B4GALNT3: variants seen among roughly 807,000 people sequenced by gnomAD.
B4GALNT3 encodes beta-1,4-N-acetyl-galactosaminyltransferase 3, also known as beta-1,4-N-acetylgalactosaminyltransferase 3.
B4GALNT3 carries 86 observed loss-of-function variants against 120.2 expected under a neutral mutation model. The ratio of observed to expected loss-of-function variants is 0.72; its 90% CI spans 0.60 to 0.86. The LOEUF (loss-of-function observed/expected upper bound fraction) is 0.86. Among genes scored for constraint, B4GALNT3 ranks in the 40% least tolerant of loss-of-function variants. The pLI, the probability that B4GALNT3 is intolerant of heterozygous loss-of-function variation, is 0.00. For missense variants in B4GALNT3, 1,167 were observed against 1,298.9 expected, an observed-to-expected ratio of 0.90 and a Z score of 1.56; for synonymous variants, 518 against 510.4, an observed-to-expected ratio of 1.01 and a Z score of -0.20.
At position 559,387 on chromosome 12, in the gene B4GALNT3, C is replaced by G. The variant is rs368167265; in HGVS notation, c.2854C>G (p.Arg952Gly). 1 of 1,613,972 alleles carries G rather than the reference C, an allele frequency of 6.2e-7. No individual in the cohort carries two copies. ...GGMNTKEFRD[R>G]WGGEDWELLD... is the part of the protein sequence containing the mutation. ...CATGAACACCAAGGAGTTCCGAGAC[C>G]GCTGGGGCGGGGAAGACTGGGAGCT... Residue 952 changes from arginine (R) to glycine (G), a missense_variant, in exon 19 of 20, where the codon CGC becomes GGC. Arg to Gly is a moderately radical substitution (Grantham distance 125). Transcript: ENST00000266383.
intron 1 of B4GALNT3, among the ~76,000 whole-genome samples, chr12:511,185 C>T (rs1026530241): frequency 4.6e-5 from 7 of 151,058 alleles, no homozygotes; most frequent in African/African-American, 9.7e-5. Flanking sequence ...TGTGCCACCA[C>T]GCTCGGCTAA....
intron 15 of B4GALNT3, among the ~76,000 whole-genome samples, chr12:557,268 G>A (rs945916316): frequency 3.9e-5 from 6 of 152,088 alleles, no homozygotes; most frequent in Non-Finnish European, 5.9e-5. Flanking sequence ...AGGATGATGG[G>A]GATAGGACGA....
chr12:517,914 C>T (rs889357035), intron 1 of B4GALNT3, among the ~76,000 whole-genome samples: 2 of 152,186 alleles, frequency 1.3e-5, no homozygotes, highest in Admixed American at 1.3e-4. Context: ...ATTAACCAGG[C>T]AGTAGTGGGA....
chr12:486,135 G>A (rs1183377237), intron 1 of B4GALNT3, among the ~76,000 whole-genome samples: 1 of 151,690 alleles, frequency 6.6e-6, no homozygotes, highest in Non-Finnish European at 1.5e-5. Flanking sequence ...GTACATTTTG[G>A]AGAAAAATCC....
intron 1 of B4GALNT3, among the ~76,000 whole-genome samples, chr12:496,859 G>A (rs1946393967): frequency 6.6e-6 from 1 of 152,162 alleles, no homozygotes. Context: ...TCCATGTGTA[G>A]CATGTTAGTA....
chr12:521,183 T>C (rs1592038823), intron 1 of B4GALNT3, among the ~76,000 whole-genome samples: 1 of 152,192 alleles, frequency 6.6e-6, no homozygotes, highest in Non-Finnish European at 1.5e-5. Context: ...TAGAAGGATG[T>C]GCGGTCCTTC....
intron 1 of B4GALNT3, among the ~76,000 whole-genome samples, chr12:510,279 T>A (rs1946532808): frequency 6.6e-6 from 1 of 152,170 alleles, no homozygotes; most frequent in South Asian, 2.1e-4. Context: ...AGATGATTTC[T>A]GCCATGCTGA....
chr12:557,924 C>A, intron 16 of B4GALNT3, 92 bp from the exon 17 acceptor site: 1 of 1,496,784 alleles, frequency 6.7e-7, no homozygotes, highest in Non-Finnish European at 9.3e-7. Flanking sequence ...ATCCCAGGAG[C>A]ACACATCATC....
chr12:472,861 G>A (rs1028954782), intron 1 of B4GALNT3, among the ~76,000 whole-genome samples: 3 of 152,216 alleles, frequency 2.0e-5, no homozygotes, highest in African/African-American at 4.8e-5. Flanking sequence ...GGGATTACAG[G>A]CACAAGCCAC....
intron 14 of B4GALNT3, 45 bp from the exon 15 acceptor site, chr12:556,502 A>G (rs774679300): frequency 1.3e-6 from 2 of 1,545,562 alleles, no homozygotes; most frequent in South Asian, 1.2e-5. Flanking sequence ...CTACCCTCCC[A>G]GTGTGGAAAG....
At chr12:500,740 C>T (rs143544374) in intron 1 of B4GALNT3, among the ~76,000 whole-genome samples, 1 of 152,202 alleles carries the variant, frequency 6.6e-6, no homozygotes, top group African/African-American at 2.4e-5. Context: ...TACAGTGTGT[C>T]TCTAGGACCG....
chr12:489,188 A>T (rs1430401328), intron 1 of B4GALNT3, among the ~76,000 whole-genome samples: 1 of 139,404 alleles, frequency 7.2e-6, no homozygotes, highest in Non-Finnish European at 1.5e-5. Flanking sequence ...GGGCAAGGGG[A>T]GGGAGAGCAT....
intron 1 of B4GALNT3, among the ~76,000 whole-genome samples, chr12:497,131 G>C (rs948749440): frequency 2.0e-5 from 3 of 151,810 alleles, no homozygotes; most frequent in Non-Finnish European, 2.9e-5. Context: ...CATCGCTCCT[G>C]GCTTTCATTT....
chr12:533,418 T>C (rs1311897111), intron 1 of B4GALNT3, among the ~76,000 whole-genome samples: 3 of 152,182 alleles, frequency 2.0e-5, no homozygotes, highest in African/African-American at 7.2e-5. Context: ...AGGAGAGACC[T>C]TGATGGCAGA....
Position 545,324 on chromosome 12 carries a change from T to C in B4GALNT3, c.539-45T>C, listed in dbSNP as rs192788624. ...TCACAAAAGCCTCCAGCTTTTATGC[T>C]GATGCCCTCCTTGCCCTCATCTGGA... On this transcript the variant is annotated intron_variant, in intron 5 of 19. Coordinates refer to ENST00000266383, the MANE Select transcript of B4GALNT3 (RefSeq NM_173593.4). The C allele has an allele frequency of 2.1e-5, 33 of 1,573,478 alleles. No individual in the cohort carries two copies. The East Asian group carries it at 6.2e-4, about 29-fold the overall frequency.
At chr12:512,157 C>T (rs374956959) in intron 1 of B4GALNT3, among the ~76,000 whole-genome samples, 4,665 of 67,492 alleles carry the variant, frequency 0.069, 367 homozygotes, top group African/African-American at 0.13. Context: ...TTCCGCCTTC[C>T]GCCTTCCACC....
At position 548,641 on chromosome 12, in the gene B4GALNT3, G is replaced by A. The variant is rs908423236; in HGVS notation, c.853+344G>A. Among the ~76,000 whole-genome samples, 1 of 152,184 alleles carries A rather than the reference G, an allele frequency of 6.6e-6. No homozygotes were observed. Among genetic ancestry groups the A allele is most frequent in the African/African-American group, 2.4e-5 (1 of 41,442 alleles). On this transcript the variant is annotated intron_variant, in intron 9 of 19. Coordinates refer to ENST00000266383, the MANE Select transcript of B4GALNT3 (RefSeq NM_173593.4). This position sits in a 1 kb window ranked among gnomAD's most constrained non-coding sequence, Gnocchi z 4.9. ...TAAAAACTCTGAGGCTGGGTGCGGT[G>A]GCTCATACCTGTAATCCCAGCACTT...
At chr12:552,748 G>A (rs556206695) in intron 13 of B4GALNT3, 16 of 581,032 alleles carry the variant, frequency 2.8e-5, no homozygotes, top group Admixed American at 6.5e-5. Context: ...AGCATGCTGG[G>A]GTCAGCTGGA....
chr12:542,180 C>T (rs1306950031), intron 3 of B4GALNT3, among the ~76,000 whole-genome samples: 1 of 152,312 alleles, frequency 6.6e-6, no homozygotes, highest in East Asian at 1.9e-4. Flanking sequence ...CTGGCATTGA[C>T]CAGGCCAGTG....
Sources: allele counts gnomAD v4.1 joint callset (sites outside exome capture counted in the v4.1 genomes callset), GRCh38; gene constraint gnomAD v4.1.1; non-coding constraint Gnocchi (gnomAD v3.1); transcripts MANE v1.5; gene names NCBI Gene and HGNC (gene_info 2026-07-23, HGNC 2026-07-21).